RNF217: variants seen among roughly 807,000 people sequenced by gnomAD.
RNF217 encodes the protein ring finger protein 217, also known as E3 ubiquitin-protein ligase RNF217.
Under a neutral mutation model 57.8 loss-of-function variants are expected in RNF217, and 31 were observed. The ratio of observed to expected loss-of-function variants is 0.54; its 90% confidence interval spans 0.40 to 0.72. The LOEUF is 0.72. Ranked by LOEUF, RNF217 falls within the 30% of genes least tolerant of loss-of-function variation. The pLI is 0.00. For synonymous variants in RNF217, 313 were observed against 294.0 expected (o/e 1.06, Z -0.66); for missense variants, 696 against 708.3 (o/e 0.98, Z 0.20).
rs1788744292 is a variant in RNF217, at chr6:125,085,442, T to C, written c.*2505T>C. ...AACTTAAAATGATTATTTGTGAATT[T>C]TTTACTAAGTTTCATCAAGATCTTA... On this transcript the variant is annotated 3_prime_UTR_variant, in exon 6 of 6. Transcript: ENST00000521654. 2 of 151,974 alleles carry C rather than the reference T, an allele frequency of 1.3e-5. No homozygotes were observed. Among genetic ancestry groups the C allele is most frequent in the African/African-American group, 2.4e-5 (1 of 41,534 alleles). 9.4% of individuals were successfully genotyped at this position (151,974 alleles called of 1,614,324 possible).
chr6:125,024,021 G>A (rs1255198595), intron 1 of RNF217, among the ~76,000 whole-genome samples: 1 of 152,160 alleles, frequency 6.6e-6, no homozygotes, highest in Admixed American at 6.5e-5. Context: ...GGTGACTATA[G>A]TTAGTAACAA....
intron 1 of RNF217, among the ~76,000 whole-genome samples, chr6:124,977,025 CTG>C (rs1562448804): frequency 6.6e-6 from 1 of 152,196 alleles, no homozygotes; most frequent in African/African-American, 2.4e-5. Context: ...TTAAAACAAA[CTG>C]TTCATACATG....
intron 5 of RNF217, chr6:125,082,656 A>G: frequency 6.5e-7 from 1 of 1,538,414 alleles, no homozygotes; most frequent in Non-Finnish European, 8.8e-7. Flanking sequence ...ATTATTATTA[A>G]ACTGGTATCA....
At chr6:125,051,697 A>G (rs1787322835) in intron 2 of RNF217, among the ~76,000 whole-genome samples, 1 of 152,018 alleles carries the variant, frequency 6.6e-6, no homozygotes, top group African/African-American at 2.4e-5. Flanking sequence ...CTTATTGGTC[A>G]CAGAGAATAT....
At chr6:125,049,736 C>A (rs577288919) in intron 2 of RNF217, among the ~76,000 whole-genome samples, 3 of 151,456 alleles carry the variant, frequency 2.0e-5, no homozygotes, top group African/African-American at 4.9e-5. Context: ...AATGAGCAAC[C>A]CTGGGTATTG....
chr6:125,002,234 A>G (rs896934549), intron 1 of RNF217, among the ~76,000 whole-genome samples: 5 of 152,126 alleles, frequency 3.3e-5, no homozygotes, highest in Non-Finnish European at 7.3e-5. Context: ...AGTGTGAGGA[A>G]TCTTGTGTGG....
intron 5 of RNF217, chr6:125,082,468 C>G: frequency 6.2e-7 from 1 of 1,611,558 alleles, no homozygotes; most frequent in South Asian, 1.1e-5. Flanking sequence ...TTAAGACTTA[C>G]TGGAACCTCA....
chr6:125,048,377 C>A, intron 2 of RNF217: 2 of 745,746 alleles, frequency 2.7e-6, no homozygotes, highest in Non-Finnish European at 4.0e-6. Flanking sequence ...AGTACTCACA[C>A]ACAATACATT....
chr6:125,050,577 G>A (rs938084904), intron 2 of RNF217, among the ~76,000 whole-genome samples: 6 of 151,808 alleles, frequency 4.0e-5, no homozygotes, highest in Non-Finnish European at 5.9e-5. Flanking sequence ...CAAATCAATC[G>A]GTTGTTGCGA....
chr6:124,977,541 A>C (rs1397861224), intron 1 of RNF217, among the ~76,000 whole-genome samples: 8 of 152,210 alleles, frequency 5.3e-5, no homozygotes, highest in Admixed American at 5.2e-4. Context: ...GATGCTGAAA[A>C]AATCATGGGA....
At chr6:124,998,262 A>G (rs1206416909) in intron 1 of RNF217, among the ~76,000 whole-genome samples, 2 of 151,978 alleles carry the variant, frequency 1.3e-5, no homozygotes, top group Non-Finnish European at 2.9e-5. Context: ...TTCACCTTGT[A>G]TGTCATTTAC....
At chr6:124,974,425 T>C (rs1266038960) in intron 1 of RNF217, among the ~76,000 whole-genome samples, 1 of 152,188 alleles carries the variant, frequency 6.6e-6, no homozygotes, top group Non-Finnish European at 1.5e-5. Flanking sequence ...AATTTAATAA[T>C]ACAGATTCAT....
chr6:125,031,171 TG>T (rs1562477159), intron 1 of RNF217, among the ~76,000 whole-genome samples: 1 of 152,200 alleles, frequency 6.6e-6, no homozygotes, highest in Non-Finnish European at 1.5e-5. Context: ...GCACACACCC[TG>T]GGGACTGTGG....
chr6:124,971,400 G>A, intron 1 of RNF217: 1 of 235,846 alleles, frequency 4.2e-6, no homozygotes, highest in South Asian at 3.9e-5. Flanking sequence ...AGGAAATCAA[G>A]AGGAATTTGG....
At chr6:125,080,029 A>G (rs1451888120) in intron 4 of RNF217, among the ~76,000 whole-genome samples, 1 of 152,092 alleles carries the variant, frequency 6.6e-6, no homozygotes, top group African/African-American at 2.4e-5. Flanking sequence ...GAAAAAGAAA[A>G]TCAATGCTGT....
At chr6:124,977,852 G>T (rs561185185) in intron 1 of RNF217, among the ~76,000 whole-genome samples, 112 of 152,138 alleles carry the variant, frequency 7.4e-4, no homozygotes, top group African/African-American at 2.7e-3. Flanking sequence ...GGTTATTAGG[G>T]AGTTGCAGAG....
intron 3 of RNF217, among the ~76,000 whole-genome samples, chr6:125,075,614 C>A (rs910962604): frequency 6.6e-6 from 1 of 152,114 alleles, no homozygotes; most frequent in African/African-American, 2.4e-5. Flanking sequence ...CTGCCCTTGA[C>A]ACGTGGGGAT....
chr6:124,987,400 C>G (rs1784401851), intron 1 of RNF217, among the ~76,000 whole-genome samples: 1 of 152,126 alleles, frequency 6.6e-6, no homozygotes, highest in African/African-American at 2.4e-5. Flanking sequence ...GCCTCCTATC[C>G]CCATCCTAAG....
At chr6:124,983,509 T>C (rs981220159) in intron 1 of RNF217, 3 of 983,416 alleles carry the variant, frequency 3.1e-6, no homozygotes, top group Non-Finnish European at 3.6e-6. Context: ...CCTTACAGGT[T>C]ATATAATTAA....
Sources: gnomAD v4.1 joint callset for allele counts (sites outside exome capture counted in the v4.1 genomes callset) on GRCh38, gnomAD v4.1.1 for gene constraint, MANE v1.5 for transcripts, NCBI Gene and HGNC (gene_info 2026-07-23, HGNC 2026-07-21) for gene names.